FGF13: variants seen among roughly 807,000 people sequenced by gnomAD.
FGF13 encodes the protein fibroblast growth factor homologous factor 2.
In FGF13, 2 loss-of-function variants were observed where a neutral mutation model predicts 19.5. The ratio of observed to expected loss-of-function variants is 0.10; its 90% confidence interval spans 0.04 to 0.32. The LOEUF is 0.32. Among genes scored for constraint, FGF13 ranks in the 10% least tolerant of loss-of-function variants. FGF13 has a pLI of 1.00. For missense variants in FGF13, 113 were observed against 192.7 expected (o/e 0.59, Z 2.45); for synonymous variants, 72 against 76.9 (o/e 0.94, Z 0.33).
At chrX:138,988,116 C>G (rs2092000894) in intron 1 of FGF13, among the ~76,000 whole-genome samples, 2 of 111,583 alleles carry the variant, frequency 1.8e-5, no homozygotes, top group Middle Eastern at 4.7e-3. Flanking sequence ...CCTTGGTGGA[C>G]TCTTTTACAT....
intron 1 of FGF13, among the ~76,000 whole-genome samples, chrX:139,062,215 T>C (rs1024112205): frequency 1.1e-4 from 12 of 111,791 alleles, no homozygotes; most frequent in African/African-American, 2.9e-4. Flanking sequence ...TTTAAATCTT[T>C]AATCCATTTT....
chrX:138,656,711 C>T (rs2089441331), intron 3 of FGF13, among the ~76,000 whole-genome samples: 1 of 112,001 alleles, frequency 8.9e-6, no homozygotes, highest in Non-Finnish European at 1.9e-5. Flanking sequence ...AGGTTATTAG[C>T]TTAATGCTGG....
At chrX:138,974,736 C>T (rs1206205151) in intron 1 of FGF13, among the ~76,000 whole-genome samples, 1 of 112,837 alleles carries the variant, frequency 8.9e-6, no homozygotes, top group African/African-American at 3.2e-5. Flanking sequence ...ACATATATTA[C>T]ATCCGTAGAT....
intron 3 of FGF13, among the ~76,000 whole-genome samples, chrX:138,757,267 C>T (rs902077860): frequency 1.5e-4 from 16 of 110,026 alleles, no homozygotes; most frequent in African/African-American, 5.0e-4. Context: ...TCCCACCTCC[C>T]CACCCTTTGA....
chrX:138,984,592 AGGAGG>A (rs2091983135), intron 1 of FGF13, among the ~76,000 whole-genome samples: 4 of 29,760 alleles, frequency 1.3e-4, no homozygotes, highest in African/African-American at 4.8e-4. Context: ...AAGAAGAAGG[AGGAGG>A]AGGAGGAGGA....
intron 3 of FGF13, among the ~76,000 whole-genome samples, chrX:138,838,020 C>T (rs2091124450): frequency 8.9e-6 from 1 of 112,085 alleles, no homozygotes; most frequent in Non-Finnish European, 1.9e-5. Context: ...CTGGGGGATC[C>T]CTTCAAACCT....
At chrX:139,106,915 C>T (rs1379961680) in intron 1 of FGF13, among the ~76,000 whole-genome samples, 1 of 112,181 alleles carries the variant, frequency 8.9e-6, no homozygotes, top group African/African-American at 3.2e-5. Context: ...TGTAAGGCCA[C>T]TATTACCCCC....
chrX:138,917,778 T>G (rs903743250), intron 1 of FGF13, among the ~76,000 whole-genome samples: 3 of 111,669 alleles, frequency 2.7e-5, no homozygotes, highest in Non-Finnish European at 5.6e-5. Context: ...ACAGGCAACA[T>G]CTGGGGGTGT....
At chrX:138,685,347 C>T (rs967350490) in intron 3 of FGF13, among the ~76,000 whole-genome samples, 1 of 110,932 alleles carries the variant, frequency 9.0e-6, no homozygotes, top group African/African-American at 3.3e-5. Context: ...GCAAGAAAGC[C>T]AATTAATGGT....
intron 1 of FGF13, among the ~76,000 whole-genome samples, chrX:138,866,039 T>C (rs1200982326): frequency 8.9e-6 from 1 of 112,899 alleles, no homozygotes; most frequent in Non-Finnish European, 1.9e-5. Flanking sequence ...ATCTTGTTGG[T>C]GAATGTCTAG....
intron 3 of FGF13, among the ~76,000 whole-genome samples, chrX:138,775,338 T>C: frequency 8.9e-6 from 1 of 112,322 alleles, no homozygotes; most frequent in Middle Eastern, 4.6e-3. Flanking sequence ...GAAAGTTTAC[T>C]CACCTACTAC....
chrX:139,148,191 G>A (rs2083906052), intron 1 of FGF13, among the ~76,000 whole-genome samples: 1 of 111,066 alleles, frequency 9.0e-6, no homozygotes, highest in Non-Finnish European at 1.9e-5. Context: ...GAAAATGAGA[G>A]ACAGAAGTGG....
intron 3 of FGF13, among the ~76,000 whole-genome samples, chrX:138,657,763 T>C (rs1486817904): frequency 8.9e-6 from 1 of 111,960 alleles, no homozygotes; most frequent in African/African-American, 3.2e-5. Context: ...AAAACCAAAA[T>C]TCAGATTCTG....
chrX:138,904,861 A>G (rs1453678335), intron 1 of FGF13, among the ~76,000 whole-genome samples: 1 of 111,955 alleles, frequency 8.9e-6, no homozygotes, highest in Non-Finnish European at 1.9e-5. Flanking sequence ...ATATGTTGAA[A>G]GTGAAACTTG....
chrX:139,193,745 A>T, intron 1 of FGF13, among the ~76,000 whole-genome samples: 1 of 111,785 alleles, frequency 8.9e-6, no homozygotes, highest in Non-Finnish European at 1.9e-5. Flanking sequence ...TATTATTTTT[A>T]TTATTATATC....
intron 3 of FGF13, among the ~76,000 whole-genome samples, chrX:138,773,723 AG>A (rs2090565936): frequency 8.9e-6 from 1 of 112,058 alleles, no homozygotes; most frequent in Admixed American, 9.5e-5. Flanking sequence ...AATTTATTAG[AG>A]AATAATTTTC....
At chrX:138,695,716 AT>A (rs1236696389) in intron 3 of FGF13, among the ~76,000 whole-genome samples, 3 of 112,077 alleles carry the variant, frequency 2.7e-5, no homozygotes, top group African/African-American at 9.7e-5. Context: ...CAAATAAAAA[AT>A]TTTAAGCAAC....
chrX:139,141,052 G>GATAC (rs1383087987), intron 1 of FGF13, among the ~76,000 whole-genome samples: 21 of 22,620 alleles, frequency 9.3e-4, no homozygotes, highest in African/African-American at 2.0e-3. Flanking sequence ...ATAGATGATA[G>GATAC]ATAGATAGAT....
At chrX:139,091,816 CG>C (rs2083441570) in intron 1 of FGF13, among the ~76,000 whole-genome samples, 1 of 110,390 alleles carries the variant, frequency 9.1e-6, no homozygotes, top group Non-Finnish European at 1.9e-5. Context: ...TGGAAATGAG[CG>C]CACATGAAGG....
Sources: gnomAD v4.1 joint callset for allele counts (sites outside exome capture counted in the v4.1 genomes callset) on GRCh38, gnomAD v4.1.1 for gene constraint, MANE v1.5 for transcripts, NCBI Gene and HGNC (gene_info 2026-07-23, HGNC 2026-07-21) for gene names.